The following RIN2 variants were observed in gnomAD, a reference collection of about 807,000 sequenced individuals.
RIN2 encodes the protein Ras and Rab interactor 2.
In RIN2, 36 loss-of-function variants were observed where a neutral mutation model predicts 78.0. The ratio of observed to expected loss-of-function variants is 0.46; its 90% CI spans 0.35 to 0.61. The LOEUF is 0.61. RIN2 is among the 20% of genes least tolerant of loss of function. RIN2 has a pLI of 0.00. For synonymous variants in RIN2, 466 were observed against 466.8 expected (o/e 1.00, Z 0.02); for missense variants, 1,087 against 1,159.7 (o/e 0.94, Z 0.91).
intron 1 of RIN2, among the ~76,000 whole-genome samples, chr20:19,775,600 T>G (rs2034282467): frequency 6.6e-6 from 1 of 152,234 alleles, no homozygotes; most frequent in Non-Finnish European, 1.5e-5. Context: ...TGCTATTTAT[T>G]GTATACTTAC....
intron 3 of RIN2, among the ~76,000 whole-genome samples, chr20:19,923,825 C>T (rs6112659): frequency 0.59 from 89,832 of 151,896 alleles, 28,012 homozygotes; most frequent in East Asian, 0.92. Flanking sequence ...AGATAGTGAA[C>T]GTTGCTTTTT....
intron 3 of RIN2, among the ~76,000 whole-genome samples, chr20:19,913,085 G>T (rs2039543434): frequency 6.6e-6 from 1 of 152,028 alleles, no homozygotes. Flanking sequence ...GCTGGAGATG[G>T]GTTCGTATAG....
chr20:19,863,115 TCAAGAGGAAC>T (rs1568553033), intron 2 of RIN2, among the ~76,000 whole-genome samples: 6 of 152,130 alleles, frequency 3.9e-5, no homozygotes, highest in African/African-American at 1.4e-4. Context: ...ATAGGAAAAA[TCAAGAGGAAC>T]AGCATGTGTG....
intron 7 of RIN2, among the ~76,000 whole-genome samples, chr20:19,966,814 C>T (rs1331729131): frequency 6.6e-6 from 1 of 152,142 alleles, no homozygotes; most frequent in Admixed American, 6.5e-5. Flanking sequence ...ACCTGCCTGC[C>T]ATGATTTGGG....
chr20:19,819,929 A>C (rs768378373), intron 2 of RIN2, among the ~76,000 whole-genome samples: 2 of 152,264 alleles, frequency 1.3e-5, no homozygotes, highest in African/African-American at 2.4e-5. Flanking sequence ...TTGTATAGGT[A>C]ATCAAAGAGA....
intron 2 of RIN2, among the ~76,000 whole-genome samples, chr20:19,868,561 G>GT (rs1464924825): frequency 6.6e-6 from 1 of 152,170 alleles, no homozygotes; most frequent in Non-Finnish European, 1.5e-5. Flanking sequence ...TTTCATCCGG[G>GT]TTTTATGATA....
chr20:19,777,733 G>A (rs1478669686), intron 1 of RIN2, among the ~76,000 whole-genome samples: 2 of 152,210 alleles, frequency 1.3e-5, no homozygotes, highest in Non-Finnish European at 2.9e-5. Context: ...CTCTGGTTTA[G>A]TTTTCATTCC....
intron 9 of RIN2, among the ~76,000 whole-genome samples, chr20:19,976,294 C>T (rs901684959): frequency 6.6e-6 from 1 of 152,182 alleles, no homozygotes; most frequent in African/African-American, 2.4e-5. Context: ...CAACTACCAA[C>T]CCCTGGATAA....
rs1316885048 is a variant in RIN2 at position 19,764,916 on chromosome 20, GCGTTTTTTTTTT to G, written c.-163+6590_-163+6601del. Among the ~76,000 whole-genome samples the G allele has an allele frequency of 1.7e-4, 6 of 35,346 alleles. 1 individual carries two copies. The highest frequency in any genetic ancestry group is 6.8e-5 in the Non-Finnish European group (1 of 14,660). 23.2% of individuals were successfully genotyped at this position (35,346 alleles called of 152,430 possible). A position where few individuals can be genotyped will look rare whatever the true frequency, so the allele number is the denominator to read the frequency against. ...AAGGGCAAGTCCCACTTCACTTTCTGCGTTTTTTTTTTTTTTTTTTTTTTTTTGACAGAGTCT... is the reference window on the plus strand; with the variant it reads ...AAGGGCAAGTCCCACTTCACTTTCTGTTTTTTTTTTTTTTTGACAGAGTCT... On this transcript the variant is annotated intron_variant, in intron 1 of 12. Coordinates refer to ENST00000255006, the MANE Select transcript of RIN2 (RefSeq NM_018993.4).
intron 2 of RIN2, among the ~76,000 whole-genome samples, chr20:19,801,888 C>A (rs2035254567): frequency 6.6e-6 from 1 of 152,110 alleles, no homozygotes; most frequent in African/African-American, 2.4e-5. Context: ...TCTTTTGAGG[C>A]CAAAGATTTC....
rs879634573 is a variant in RIN2, at chr20:19,844,680, TTCTTCCTCTTCCTCTTCC to T, written c.-36-44880_-36-44863del. 1.9e-3 allele frequency among the ~76,000 whole-genome samples: 115 copies of T among 59,486 alleles called. 1 individual carries two copies. Among genetic ancestry groups the T allele is most frequent in the Non-Finnish European group, 2.5e-3 (78 of 30,816 alleles). The allele number at this position is 59,486 out of a possible 152,430, so 39.0% of individuals were successfully genotyped here. On this transcript the variant is annotated intron_variant, in intron 2 of 12. Transcript: ENST00000255006. ...TTCTTCTTCTTCTTCCTTCTTCTTC[TTCTTCCTCTTCCTCTTCC>T]TCTTCTTCTTCTTCTTCTTCTTCTT...
chr20:19,954,138 C>G (rs776854126), intron 4 of RIN2, among the ~76,000 whole-genome samples: 1 of 152,194 alleles, frequency 6.6e-6, no homozygotes, highest in Admixed American at 6.5e-5. Context: ...CAAAAATGAT[C>G]GGCATAGGTT....
At position 19,764,984 on chromosome 20, in the gene RIN2, C is replaced by G. The variant is rs569667796; in HGVS notation, c.-163+6657C>G. On this transcript the variant is annotated intron_variant, in intron 1 of 12. Transcript: ENST00000255006. The stretch of plus-strand genomic sequence containing the variant: ...TGTCTCCCAGGCAGGAGTGCAGTGG[C>G]ATGATCTCAGCTCACTGCAACCTCT... 1.5e-3 allele frequency among the ~76,000 whole-genome samples: 188 copies of G among 123,844 alleles called. 4 individuals are homozygous for G. The South Asian group carries it at 0.049, about 32-fold the overall frequency. 81.2% of individuals were successfully genotyped at this position (123,844 alleles called of 152,430 possible). A position where few individuals can be genotyped will look rare whatever the true frequency, so the allele number is the denominator to read the frequency against.
At chr20:19,897,412 C>A (rs557089604) in intron 3 of RIN2, among the ~76,000 whole-genome samples, 4 of 152,204 alleles carry the variant, frequency 2.6e-5, no homozygotes, top group African/African-American at 9.6e-5. Context: ...CCCAGCCAGA[C>A]CAGCTACATT....
intron 1 of RIN2, among the ~76,000 whole-genome samples, chr20:19,794,112 A>C (rs1252195830): frequency 1.6e-4 from 1 of 6,376 alleles, no homozygotes; most frequent in Non-Finnish European, 2.5e-4. Flanking sequence ...TAATATACCC[A>C]AGATCACAAG....
rs10522974 is a variant in RIN2, at chr20:19,887,182, ATTT to A, written c.-36-2372_-36-2370del. On this transcript the variant is annotated intron_variant, in intron 2 of 12. Transcript: ENST00000255006. ...CAGGAGCATGCCACCATGCCCATCTATTTTTTTTTTTTTTAATTTTTTTTAGAG... is the reference window on the plus strand; with the variant it reads ...CAGGAGCATGCCACCATGCCCATCTATTTTTTTTTTTAATTTTTTTTAGAG... Among the ~76,000 whole-genome samples, 26 of 145,790 alleles carry A rather than the reference ATTT, an allele frequency of 1.8e-4. No individual in the cohort carries two copies. The East Asian group carries it at 3.4e-3, about 19-fold the overall frequency.
At chr20:19,941,016 G>A (rs140129876) in intron 4 of RIN2, among the ~76,000 whole-genome samples, 175 of 152,298 alleles carry the variant, frequency 1.1e-3, no homozygotes, top group African/African-American at 3.8e-3. Context: ...TGTCACTCCT[G>A]CTGCCACTTC....
intron 2 of RIN2, among the ~76,000 whole-genome samples, chr20:19,846,674 T>C (rs901837635): frequency 6.6e-6 from 1 of 152,276 alleles, no homozygotes; most frequent in African/African-American, 2.4e-5. Context: ...ACACAGACTA[T>C]TTGATTTCCT....
chr20:19,967,863 C>T (rs1370093864), intron 7 of RIN2, among the ~76,000 whole-genome samples: 1 of 152,202 alleles, frequency 6.6e-6, no homozygotes, highest in Non-Finnish European at 1.5e-5. Flanking sequence ...TATATCTGTA[C>T]TAAGCACCAT....
Sources: gnomAD v4.1 joint callset for allele counts (sites outside exome capture counted in the v4.1 genomes callset) on GRCh38, gnomAD v4.1.1 for gene constraint, MANE v1.5 for transcripts, NCBI Gene and HGNC (gene_info 2026-07-23, HGNC 2026-07-21) for gene names.